The following ERG variants were observed in gnomAD, a reference collection of about 807,000 sequenced individuals.
ERG encodes the protein ETS transcription factor ERG, also known as transcriptional regulator ERG.
Under a neutral mutation model 55.3 loss-of-function variants are expected in ERG, and 9 were observed. The observed-to-expected ratio is 0.16, with a 90% confidence interval of 0.10 to 0.28. The LOEUF is 0.28. Ranked by LOEUF, ERG falls within the 10% of genes least tolerant of loss-of-function variation. The pLI is 1.00. For synonymous variants in ERG, 223 were observed against 237.3 expected, an observed-to-expected ratio of 0.94 and a Z score of 0.55; for missense variants, 434 against 631.6, an observed-to-expected ratio of 0.69 and a Z score of 3.35.
At chr21:38,523,578 C>T (rs1601184360) in intron 2 of ERG, among the ~76,000 whole-genome samples, 2 of 152,298 alleles carry the variant, frequency 1.3e-5, no homozygotes, top group African/African-American at 2.4e-5. Flanking sequence ...TCTCTAAGCT[C>T]CCACCCCTGA....
intron 1 of ERG, among the ~76,000 whole-genome samples, chr21:38,604,482 T>A (rs1427200177): frequency 6.8e-6 from 1 of 147,994 alleles, no homozygotes; most frequent in Non-Finnish European, 1.5e-5. Flanking sequence ...AATTTTGAGT[T>A]TTTAAATAAT....
At chr21:38,536,301 A>C in intron 2 of ERG, among the ~76,000 whole-genome samples, 1 of 4,156 alleles carries the variant, frequency 2.4e-4, no homozygotes, top group Non-Finnish European at 6.1e-4. Flanking sequence ...GCTGGTCAGT[A>C]GTAACACAAA....
rs564368724 is a variant in ERG at position 38,485,763 on chromosome 21, A to G, written c.18+12600T>C. Among the ~76,000 whole-genome samples, 10 of 150,170 alleles carry G rather than the reference A, an allele frequency of 6.7e-5. No homozygotes were observed. In the South Asian group the frequency reaches 2.1e-3, roughly 32 times the overall value. On this transcript the variant is annotated intron_variant, in intron 1 of 9. Transcript: ENST00000288319. ...ATGAGCCACCGCGCCTGGCCAATATACAGTGTTTATAAGTCTACAGTAGTA... is the reference window on the plus strand; with the variant it reads ...ATGAGCCACCGCGCCTGGCCAATATGCAGTGTTTATAAGTCTACAGTAGTA...
chr21:38,610,145 A>G (rs769406133), intron 1 of ERG, among the ~76,000 whole-genome samples: 1 of 152,240 alleles, frequency 6.6e-6, no homozygotes, highest in Non-Finnish European at 1.5e-5. Flanking sequence ...TGCGATCACT[A>G]TTCAAACACA....
intron 1 of ERG, among the ~76,000 whole-genome samples, chr21:38,661,360 T>A (rs2147001005): frequency 6.6e-6 from 1 of 152,280 alleles, no homozygotes; most frequent in Middle Eastern, 3.4e-3. Context: ...TCGATGCTGA[T>A]GAGAACTGGG....
chr21:38,499,526 A>G (rs1340788429), upstream of ERG, among the ~76,000 whole-genome samples: 2 of 152,164 alleles, frequency 1.3e-5, no homozygotes, highest in Admixed American at 6.5e-5. Flanking sequence ...GACCCCAAGA[A>G]CACAATAGAC....
intron 2 of ERG, among the ~76,000 whole-genome samples, chr21:38,531,462 T>C (rs2059671839): frequency 6.6e-6 from 1 of 152,186 alleles, no homozygotes; most frequent in Non-Finnish European, 1.5e-5. Context: ...TCTGTGTAAA[T>C]AGCCATTCCT....
chr21:38,646,279 TAAA>T (rs397969203), intron 1 of ERG, among the ~76,000 whole-genome samples: 37 of 110,290 alleles, frequency 3.4e-4, no homozygotes, highest in African/African-American at 1.1e-3. Flanking sequence ...AGTCTCTGTC[TAAA>T]AAAAAAAAAA....
intron 1 of ERG, among the ~76,000 whole-genome samples, chr21:38,656,288 AG>A (rs1294689829): frequency 6.6e-6 from 1 of 152,134 alleles, no homozygotes; most frequent in Admixed American, 6.5e-5. Flanking sequence ...CCTGGATTTC[AG>A]GAACTCACAT....
chr21:38,661,770 C>A (rs1350308310), upstream of ERG: 1 of 152,232 alleles, frequency 6.6e-6, no homozygotes, highest in Non-Finnish European at 1.5e-5. Flanking sequence ...CCATTCCGAC[C>A]AAGTGAAAAC....
At chr21:38,616,295 A>G (rs1169258906) in intron 1 of ERG, among the ~76,000 whole-genome samples, 1 of 152,126 alleles carries the variant, frequency 6.6e-6, no homozygotes, top group Admixed American at 6.5e-5. Flanking sequence ...TCTTTATAGG[A>G]GCATGAGAAT....
intron 1 of ERG, among the ~76,000 whole-genome samples, chr21:38,476,086 C>T (rs112951721): frequency 2.6e-5 from 4 of 152,264 alleles, no homozygotes; most frequent in Admixed American, 2.0e-4. Flanking sequence ...AGAAGCCTGA[C>T]GTTTCACAGG....
Position 38,461,500 on chromosome 21 carries a change from A to G in ERG, c.19-15879T>C, listed in dbSNP as rs889553042. Among the ~76,000 whole-genome samples, 6 of 152,068 alleles carry G rather than the reference A, an allele frequency of 3.9e-5. 1 individual carries two copies. The highest frequency in any genetic ancestry group is 1.4e-4 in the African/African-American group (6 of 41,404). ...GGCAGAGAATGTGTCCCTCTTCTTCACTGCTGTATCTCCCTGCCTAGCACA... is the reference window on the plus strand; with the variant it reads ...GGCAGAGAATGTGTCCCTCTTCTTCGCTGCTGTATCTCCCTGCCTAGCACA... On this transcript the variant is annotated intron_variant, in intron 1 of 9. Transcript: ENST00000288319.
At chr21:38,375,345 G>A (rs1427569986), downstream of ERG, among the ~76,000 whole-genome samples, 2 of 152,186 alleles carry the variant, frequency 1.3e-5, no homozygotes, top group East Asian at 1.9e-4. Context: ...ATAGGTGCAT[G>A]CATGTCTTGT....
chr21:38,549,965 C>T (rs1738981349), intron 2 of ERG, among the ~76,000 whole-genome samples: 2 of 152,164 alleles, frequency 1.3e-5, no homozygotes, highest in African/African-American at 4.8e-5. Context: ...CTCACAGCAG[C>T]CCATGGGGTG....
intron 2 of ERG, among the ~76,000 whole-genome samples, chr21:38,564,418 A>G (rs1430159592): frequency 6.6e-6 from 1 of 152,188 alleles, no homozygotes; most frequent in African/African-American, 2.4e-5. Flanking sequence ...ATAAAAATTA[A>G]TAGGTAGAAT....
At chr21:38,585,532 C>CTTTTTTTTTTTTTTTTTTTTTT (rs760791568), upstream of ERG, among the ~76,000 whole-genome samples, 258 of 59,274 alleles carry the variant, frequency 4.4e-3, 78 homozygotes, top group Middle Eastern at 0.036. Context: ...TCTCTCTCTT[C>CTTTTTTTTTTTTTTTTTTTTTT]TTTTTTTTTT....
chr21:38,515,024 C>A (rs973296644), intron 2 of ERG, among the ~76,000 whole-genome samples: 1 of 151,818 alleles, frequency 6.6e-6, no homozygotes, highest in Admixed American at 6.6e-5. Flanking sequence ...GGACATAAAT[C>A]TAACATAATA....
intron 1 of ERG, among the ~76,000 whole-genome samples, chr21:38,621,991 C>T (rs897319515): frequency 3.3e-5 from 5 of 152,226 alleles, no homozygotes; most frequent in African/African-American, 1.2e-4. Flanking sequence ...CACGCAGCTG[C>T]TCAGGAAGGC....
Sources: gnomAD v4.1 joint callset for allele counts (sites outside exome capture counted in the v4.1 genomes callset) on GRCh38, gnomAD v4.1.1 for gene constraint, MANE v1.5 for transcripts, NCBI Gene and HGNC (gene_info 2026-07-23, HGNC 2026-07-21) for gene names.